The following PCDHA5 variants were observed in gnomAD, a reference collection of about 807,000 sequenced individuals.
The protein encoded by PCDHA5 is protocadherin alpha 5, also known as protocadherin alpha-5.
Under a neutral mutation model 61.6 loss-of-function variants are expected in PCDHA5, and 43 were observed. The observed-to-expected ratio is 0.70, with a 90% confidence interval of 0.55 to 0.90. PCDHA5 has a LOEUF of 0.90. Ranked by LOEUF, PCDHA5 falls within the 40% of genes least tolerant of loss-of-function variation. PCDHA5 has a pLI of 0.00. For synonymous variants in PCDHA5, 627 were observed against 543.9 expected (o/e 1.15, Z -2.13); for missense variants, 1,298 against 1,222.7 (o/e 1.06, Z -0.92).
intron 1 of PCDHA5, chr5:140,927,671 C>T (rs2084485955): frequency 6.2e-7 from 1 of 1,614,198 alleles, no homozygotes; most frequent in Non-Finnish European, 8.5e-7. Context: ...GCCTTGGATC[C>T]AGATGAAGGG....
At chr5:140,869,453 T>C in intron 1 of PCDHA5, 1 of 1,614,214 alleles carries the variant, frequency 6.2e-7, no homozygotes, top group Non-Finnish European at 8.5e-7. Flanking sequence ...CTGCAGGTTT[T>C]CCATGTGAAC....
At chr5:140,939,060 A>G (rs1435006375) in intron 1 of PCDHA5, among the ~76,000 whole-genome samples, 1 of 152,208 alleles carries the variant, frequency 6.6e-6, no homozygotes, top group Non-Finnish European at 1.5e-5. Flanking sequence ...TTGGGCTGCT[A>G]TATCAAAATA....
In PCDHA5 at chr5:140,968,377, T is replaced by C. The variant is rs1461765123; in HGVS notation, c.2353-10572T>C. 2.5e-6 allele frequency: 4 copies of C among 1,613,962 alleles called. No individual in the cohort carries two copies. In the African/African-American group the frequency reaches 4.0e-5, roughly 16 times the overall value. ...GCAGCCTTTATGCTGTCAACTCCTT[T>C]GACTATGAGAAGTTTCGGGAGTTCT... On this transcript the variant is annotated intron_variant, in intron 1 of 3. Transcript: ENST00000529859.
intron 1 of PCDHA5, chr5:140,967,963 A>C (rs1554230144): frequency 6.2e-7 from 1 of 1,614,210 alleles, no homozygotes; most frequent in South Asian, 1.1e-5. Context: ...CCAACCGGAA[A>C]GTGAGCCTGG....
At chr5:140,828,077 C>G (rs2150150614) in intron 1 of PCDHA5, 2 of 1,577,254 alleles carry the variant, frequency 1.3e-6, no homozygotes, top group South Asian at 1.2e-5. Context: ...GGAAATAAAA[C>G]CAGAGGTATT....
intron 1 of PCDHA5, among the ~76,000 whole-genome samples, chr5:140,917,241 C>G (rs1383271236): frequency 6.7e-6 from 1 of 150,002 alleles, no homozygotes; most frequent in Non-Finnish European, 1.5e-5. Context: ...AATCTAGGTA[C>G]TACGATTGCT....
intron 1 of PCDHA5, chr5:140,830,251 GCTGCGGTGCTCGGCGCCAC>G (rs2150183529): frequency 6.0e-5 from 97 of 1,613,774 alleles, no homozygotes; most frequent in Middle Eastern, 1.6e-4. Context: ...TGTACACAGC[GCTGCGGTGCTCGGCGCCAC>G]CCACCGAGGG....
chr5:141,001,448 G>A (rs1465333650), intron 3 of PCDHA5, among the ~76,000 whole-genome samples: 1 of 152,190 alleles, frequency 6.6e-6, no homozygotes, highest in Non-Finnish European at 1.5e-5. Context: ...TCTTTCCACT[G>A]TCAATTGAAG....
intron 1 of PCDHA5, among the ~76,000 whole-genome samples, chr5:140,971,002 C>A (rs2096450018): frequency 6.6e-6 from 1 of 152,136 alleles, no homozygotes; most frequent in Non-Finnish European, 1.5e-5. Context: ...CAAAGAGTTT[C>A]CAGAAGTCTT....
chr5:140,854,987 T>C (rs1220578373), intron 1 of PCDHA5, among the ~76,000 whole-genome samples: 1 of 149,970 alleles, frequency 6.7e-6, no homozygotes, highest in Admixed American at 6.7e-5. Context: ...TAAGATTCTT[T>C]TTGCCCGTGT....
chr5:140,905,170 G>A (rs1350085385), intron 1 of PCDHA5, among the ~76,000 whole-genome samples: 1 of 152,188 alleles, frequency 6.6e-6, no homozygotes, highest in Non-Finnish European at 1.5e-5. Context: ...ATGGTTTCAG[G>A]TTTTAGATTT....
Position 140,822,046 on chromosome 5 carries a change from C to T in PCDHA5, c.271C>T (p.Arg91Trp), listed in dbSNP as rs2150113189. ...TTTGTTTGTGAATTCTCGGATCGAC[C>T]GGGAGGAGCTGTGCCGGCGGAGGGC... ...GILFVNSRID[R>W]EELCRRRAEC... The change falls in exon 1 of 4, where the codon CGG becomes TGG. Residue 91 changes from arginine to tryptophan, a missense_variant. By Grantham distance (101) the Arg-to-Trp change is moderately radical (BLOSUM62 -3). Coordinates refer to ENST00000529859, the MANE Select transcript of PCDHA5 (RefSeq NM_018908.3). 10 of 1,614,162 alleles carry T rather than the reference C, an allele frequency of 6.2e-6. No individual in the cohort carries two copies. Among genetic ancestry groups the T allele is most frequent in the Middle Eastern group, 3.3e-4 (2 of 6,044 alleles).
At chr5:140,886,905 A>G (rs2061220299) in intron 1 of PCDHA5, among the ~76,000 whole-genome samples, 2 of 152,010 alleles carry the variant, frequency 1.3e-5, no homozygotes, top group Admixed American at 1.3e-4. Flanking sequence ...TTTAATAAAT[A>G]CTTATTGAGT....
chr5:140,898,206 T>G (rs1554187858), intron 1 of PCDHA5, among the ~76,000 whole-genome samples: 2 of 152,214 alleles, frequency 1.3e-5, no homozygotes. Context: ...AGATCCCATT[T>G]GTCAATTTTG....
intron 1 of PCDHA5, chr5:140,849,827 G>T (rs1554143366): frequency 6.3e-7 from 1 of 1,598,480 alleles, no homozygotes; most frequent in Non-Finnish European, 8.6e-7. Context: ...TGTCTGTGGA[G>T]GTGGCCGACG....
rs2150340474 is a variant in PCDHA5, at chr5:140,842,609, G to A, written c.2352+18482G>A. On this transcript the variant is annotated intron_variant, in intron 1 of 3. Transcript: ENST00000529859. ...TGAGTTGGTGGTAACCGCGCGGGAC[G>A]GGGGCTCGCCTTCGCTGTGGGCCAC... 1.8e-5 allele frequency: 28 copies of A among 1,595,750 alleles called. 2 individuals carry two copies. Among genetic ancestry groups the A allele is most frequent in the African/African-American group, 2.7e-5 (2 of 74,312 alleles).
At chr5:140,928,729 G>A (rs2085477021) in intron 1 of PCDHA5, 1 of 1,613,996 alleles carries the variant, frequency 6.2e-7, no homozygotes, top group Non-Finnish European at 8.5e-7. Context: ...TAGAATTTCA[G>A]CCAATATAGG....
chr5:140,966,917 G>T, intron 1 of PCDHA5: 1 of 1,602,580 alleles, frequency 6.2e-7, no homozygotes, highest in Non-Finnish European at 8.5e-7. Context: ...TGTGCCAGAG[G>T]AGCAGGCACC....
rs781808272 is a variant in PCDHA5, at chr5:140,856,411, A to G, written c.2352+32284A>G. Reference sequence around the variant, plus strand: ...TGCAGGTTTTCCATGTGGACGTGGAAGTGAAGGACATTAACGACAACCCGC... The same window carrying G: ...TGCAGGTTTTCCATGTGGACGTGGAGGTGAAGGACATTAACGACAACCCGC... On this transcript the variant is annotated intron_variant, in intron 1 of 3. Transcript: ENST00000529859. 31 of 1,598,328 alleles carry G rather than the reference A, an allele frequency of 1.9e-5. 3 individuals are homozygous for G. Among genetic ancestry groups the G allele is most frequent in the African/African-American group, 5.4e-5 (4 of 74,256 alleles).
Sources: allele counts gnomAD v4.1 joint callset (sites outside exome capture counted in the v4.1 genomes callset), GRCh38; gene constraint gnomAD v4.1.1; transcripts MANE v1.5; gene names NCBI Gene and HGNC (gene_info 2026-07-23, HGNC 2026-07-21).